The following TMEM108 variants were observed in gnomAD, a reference collection of about 807,000 sequenced individuals.
TMEM108 encodes the protein cancer/testis antigen 124.
A neutral mutation model predicts 35.1 loss-of-function variants in TMEM108; 12 were observed. The ratio of observed to expected loss-of-function variants is 0.34; its 90% CI spans 0.22 to 0.55. TMEM108 has a LOEUF of 0.55. TMEM108 is among the 20% of genes least tolerant of loss of function. The pLI is 0.89. For synonymous variants in TMEM108, 287 were observed against 308.6 expected, an observed-to-expected ratio of 0.93 and a Z score of 0.73; for missense variants, 680 against 753.3, an observed-to-expected ratio of 0.90 and a Z score of 1.14.
intron 2 of TMEM108, among the ~76,000 whole-genome samples, chr3:133,197,325 A>G (rs539108661): frequency 6.0e-4 from 92 of 152,320 alleles, no homozygotes; most frequent in African/African-American, 2.0e-3. Flanking sequence ...GCCTAAGGCA[A>G]GGAGTTATGA....
intron 3 of TMEM108, among the ~76,000 whole-genome samples, chr3:133,282,388 T>C (rs1946927373): frequency 6.6e-6 from 1 of 152,242 alleles, no homozygotes; most frequent in South Asian, 2.1e-4. Context: ...TAAAGCTACA[T>C]GGAGCTCCCT....
chr3:133,062,652 G>A (rs1943549643), intron 2 of TMEM108, among the ~76,000 whole-genome samples: 1 of 152,200 alleles, frequency 6.6e-6, no homozygotes, highest in African/African-American at 2.4e-5. Context: ...ATCTGGTGAT[G>A]TTACTTAATG....
intron 5 of TMEM108, among the ~76,000 whole-genome samples, chr3:133,395,387 G>C (rs1431280857): frequency 6.6e-6 from 1 of 152,218 alleles, no homozygotes; most frequent in Non-Finnish European, 1.5e-5. Flanking sequence ...AAACAGGCGA[G>C]TGAGTCTAGG....
intron 2 of TMEM108, among the ~76,000 whole-genome samples, chr3:133,053,036 A>G (rs1943425892): frequency 6.6e-6 from 1 of 152,066 alleles, no homozygotes; most frequent in African/African-American, 2.4e-5. Context: ...TTAATTTCTA[A>G]TATCACCTAA....
At chr3:133,353,117 A>G (rs2072055929) in intron 3 of TMEM108, among the ~76,000 whole-genome samples, 1 of 152,198 alleles carries the variant, frequency 6.6e-6, no homozygotes, top group East Asian at 1.9e-4. Flanking sequence ...TGTGATCTTG[A>G]CCTTGAAATG....
At chr3:133,306,499 A>G (rs1576445445) in intron 3 of TMEM108, among the ~76,000 whole-genome samples, 1 of 152,190 alleles carries the variant, frequency 6.6e-6, no homozygotes, top group South Asian at 2.1e-4. Context: ...TATTTCTCCT[A>G]ATGTTATCCC....
intron 3 of TMEM108, among the ~76,000 whole-genome samples, chr3:133,235,215 C>A (rs6439395): frequency 0.036 from 5,488 of 152,076 alleles, 259 homozygotes; most frequent in African/African-American, 0.12. Context: ...CCCCATCAAG[C>A]TACCAATGAC....
intron 2 of TMEM108, among the ~76,000 whole-genome samples, chr3:133,209,610 A>G (rs1361165128): frequency 1.3e-5 from 2 of 152,066 alleles, no homozygotes; most frequent in Non-Finnish European, 2.9e-5. Context: ...TGTATACTGC[A>G]TCTTCCTGCC....
At position 133,050,984 on chromosome 3, in the gene TMEM108, T is replaced by A. The variant is rs532950234; in HGVS notation, c.-47+4964T>A. ...TATAAAAATCTGTGTGCGAGTTTTT[T>A]TTTTTTTTGTGGACATAAATTTTTA... On this transcript the variant is annotated intron_variant, in intron 2 of 5. Transcript: ENST00000321871. 8.0e-3 allele frequency among the ~76,000 whole-genome samples: 1,209 copies of A among 151,942 alleles called. 22 individuals carry two copies. Among genetic ancestry groups the A allele is most frequent in the African/African-American group, 0.027 (1,118 of 41,482 alleles).
chr3:133,118,851 G>T (rs1246917140), intron 2 of TMEM108, among the ~76,000 whole-genome samples: 1 of 152,148 alleles, frequency 6.6e-6, no homozygotes, highest in Non-Finnish European at 1.5e-5. Context: ...TACTTAGGCA[G>T]TGTAGTGTGG....
intron 3 of TMEM108, among the ~76,000 whole-genome samples, chr3:133,300,326 G>C (rs1358801017): frequency 6.6e-6 from 1 of 152,144 alleles, no homozygotes; most frequent in Non-Finnish European, 1.5e-5. Context: ...CCTGCAGCAA[G>C]AGTCCCAGAC....
rs1230134275 is a variant in TMEM108 at position 133,261,106 on chromosome 3, A to G, written c.40+31755A>G. On this transcript the variant is annotated intron_variant, in intron 3 of 5. Coordinates refer to ENST00000321871, the MANE Select transcript of TMEM108 (RefSeq NM_023943.4). ...GTGGTTAGAACACACGGACAGTGAG[A>G]AATCACAAGGACAAAAAACTAGGGC... 2.6e-5 allele frequency among the ~76,000 whole-genome samples: 4 copies of G among 152,222 alleles called. No homozygotes were observed. In the East Asian group the frequency reaches 7.7e-4, roughly 29 times the overall value.
At chr3:133,370,143 C>A (rs76727217) in intron 3 of TMEM108, among the ~76,000 whole-genome samples, 1 of 115,430 alleles carries the variant, frequency 8.7e-6, no homozygotes, top group East Asian at 2.3e-4. Flanking sequence ...TGTTCAGACT[C>A]CCTTTTTTTT....
intron 3 of TMEM108, chr3:133,248,075 A>G (rs1391977916): frequency 3.3e-5 from 5 of 152,218 alleles, no homozygotes; most frequent in Admixed American, 6.5e-5. Flanking sequence ...CAACTTAACT[A>G]GTAATAAAAA....
intron 4 of TMEM108, among the ~76,000 whole-genome samples, chr3:133,383,154 C>G (rs947714460): frequency 6.6e-6 from 1 of 152,156 alleles, no homozygotes; most frequent in Non-Finnish European, 1.5e-5. Context: ...GTAGAGACAG[C>G]TTTCTAATTT....
At chr3:133,225,885 G>T (rs1465454584) in intron 2 of TMEM108, among the ~76,000 whole-genome samples, 2 of 152,198 alleles carry the variant, frequency 1.3e-5, no homozygotes, top group Non-Finnish European at 2.9e-5. Flanking sequence ...AATATTTGAA[G>T]AGATTTCTTC....
intron 3 of TMEM108, among the ~76,000 whole-genome samples, chr3:133,317,602 C>CA (rs5852742): frequency 0.34 from 51,926 of 152,028 alleles, 9,194 homozygotes; most frequent in East Asian, 0.48. Flanking sequence ...TGAGCATTAA[C>CA]AATAGTAATT....
chr3:133,321,664 C>T lies in TMEM108; in HGVS notation c.41-58088C>T, dbSNP rs543549074. Among the ~76,000 whole-genome samples, 8 of 152,138 alleles carry T rather than the reference C, an allele frequency of 5.3e-5. No individual in the cohort carries two copies. In the South Asian group the frequency reaches 1.2e-3, roughly 24 times the overall value. ...AAGAAACAATGAACTTAAACTATGC[C>T]CTAGAACAAATGGACTTAACAGATA... On this transcript the variant is annotated intron_variant, in intron 3 of 5. Transcript: ENST00000321871.
intron 3 of TMEM108, among the ~76,000 whole-genome samples, chr3:133,241,370 GC>G (rs1359584496): frequency 6.6e-6 from 1 of 152,140 alleles, no homozygotes; most frequent in African/African-American, 2.4e-5. Flanking sequence ...GCATCACCAA[GC>G]TTTCTCATCT....
Sources: allele counts gnomAD v4.1 joint callset (sites outside exome capture counted in the v4.1 genomes callset), GRCh38; gene constraint gnomAD v4.1.1; transcripts MANE v1.5; gene names NCBI Gene and HGNC (gene_info 2026-07-23, HGNC 2026-07-21).